The following SLC25A24 variants were observed in gnomAD, a reference collection of about 807,000 sequenced individuals.
SLC25A24 encodes mitochondrial adenyl nucleotide antiporter SLC25A24.
Under a neutral mutation model 60.7 loss-of-function variants are expected in SLC25A24, and 49 were observed. That is an observed-to-expected ratio of 0.81 (90% CI 0.64 to 1.02). The LOEUF (loss-of-function observed/expected upper bound fraction) is 1.02. Ranked by LOEUF, SLC25A24 falls within the 50% of genes least tolerant of loss-of-function variation. The pLI, the probability that SLC25A24 is intolerant of heterozygous loss-of-function variation, is 0.00. For missense variants in SLC25A24, 564 were observed against 586.3 expected (o/e 0.96, Z 0.39); for synonymous variants, 202 against 200.6 (o/e 1.01, Z -0.06).
At position 108,199,945 on chromosome 1, in the gene SLC25A24, C is replaced by G; in HGVS notation, c.183+11G>C. On this transcript the variant is annotated intron_variant, in intron 1 of 9. Transcript: ENST00000565488. ...TCCCTACGCTCAGGCGGCGCCCCGG[C>G]GGCGACCCACCTCCTCGGCGTCCTG... The G allele has an allele frequency of 1.9e-6, 3 of 1,597,230 alleles. No individual in the cohort carries two copies. The highest frequency in any genetic ancestry group is 2.6e-6 in the Non-Finnish European group (3 of 1,172,360).
At chr1:108,162,852 G>C (rs1276368348) in intron 3 of SLC25A24, among the ~76,000 whole-genome samples, 9 of 150,482 alleles carry the variant, frequency 6.0e-5, no homozygotes, top group East Asian at 3.9e-4. Flanking sequence ...TGGTGTTTTA[G>C]ACATGAAGTC....
intron 3 of SLC25A24, among the ~76,000 whole-genome samples, chr1:108,171,311 A>G (rs1647452464): frequency 6.6e-6 from 1 of 152,146 alleles, no homozygotes; most frequent in Admixed American, 6.6e-5. Flanking sequence ...TTTAATACAA[A>G]TCATCCCCTT....
At chr1:108,165,237 C>T (rs950036311) in intron 3 of SLC25A24, among the ~76,000 whole-genome samples, 54 of 152,024 alleles carry the variant, frequency 3.6e-4, no homozygotes, top group African/African-American at 9.9e-4. Flanking sequence ...TTGGAATAGC[C>T]GTGGTGTGGT....
At chr1:108,194,836 G>A (rs1488610554) in intron 1 of SLC25A24, among the ~76,000 whole-genome samples, 2 of 152,154 alleles carry the variant, frequency 1.3e-5, no homozygotes, top group Non-Finnish European at 2.9e-5. Flanking sequence ...TACTGGGTAG[G>A]TCTTACCATT....
chr1:108,167,747 G>A (rs918963244), intron 3 of SLC25A24, among the ~76,000 whole-genome samples: 16 of 152,202 alleles, frequency 1.1e-4, no homozygotes, highest in Non-Finnish European at 1.6e-4. Context: ...GCAATCATGC[G>A]TCTTCTGCGT....
chr1:108,146,341 T>C (rs1376526288), intron 7 of SLC25A24, among the ~76,000 whole-genome samples: 2 of 152,222 alleles, frequency 1.3e-5, no homozygotes, highest in East Asian at 3.8e-4. Flanking sequence ...TTTCTAAATA[T>C]ACAATCATGT....
intron 2 of SLC25A24, among the ~76,000 whole-genome samples, chr1:108,183,602 T>G (rs557844544): frequency 6.6e-6 from 1 of 152,308 alleles, no homozygotes; most frequent in African/African-American, 2.4e-5. Context: ...TCACTAACAT[T>G]GAATTTGGGG....
At chr1:108,182,994 T>C (rs969390677) in intron 2 of SLC25A24, among the ~76,000 whole-genome samples, 2 of 151,974 alleles carry the variant, frequency 1.3e-5, no homozygotes, top group Non-Finnish European at 2.9e-5. Context: ...GAAAATAAAA[T>C]AGAAGCAATA....
chr1:108,161,581 A>T (rs1680086161), intron 3 of SLC25A24, among the ~76,000 whole-genome samples: 2 of 152,136 alleles, frequency 1.3e-5, no homozygotes, highest in Admixed American at 1.3e-4. Context: ...AAACACAAAA[A>T]CTTGAAGATA....
intron 3 of SLC25A24, among the ~76,000 whole-genome samples, chr1:108,175,083 T>C (rs772799647): frequency 4.6e-5 from 7 of 152,170 alleles, no homozygotes; most frequent in Admixed American, 4.6e-4. Context: ...TTATTGTGTT[T>C]TGCAATGTGA....
In SLC25A24 at chr1:108,148,129, C is replaced by T; in HGVS notation, c.930+150G>A. 4 of 625,530 alleles carry T rather than the reference C, an allele frequency of 6.4e-6. No individual in the cohort carries two copies. In the South Asian group the frequency reaches 7.6e-5, roughly 12 times the overall value. The allele number at this position is 625,530 out of a possible 1,614,324, so 38.7% of individuals were successfully genotyped here. On this transcript the variant is annotated intron_variant, in intron 7 of 9. Transcript: ENST00000565488. ...TGAAAAACCCTGAGCCAGAGGCACC[C>T]AGCTAAGCTGCTTCCAGATTCCTGA...
At chr1:108,169,906 A>G (rs1647387135) in intron 3 of SLC25A24, among the ~76,000 whole-genome samples, 1 of 152,158 alleles carries the variant, frequency 6.6e-6, no homozygotes, top group South Asian at 2.1e-4. Flanking sequence ...ATAACTGAAC[A>G]TGATTTATTT....
At chr1:108,189,180 C>T (rs905808412) in intron 1 of SLC25A24, among the ~76,000 whole-genome samples, 3 of 152,026 alleles carry the variant, frequency 2.0e-5, no homozygotes, top group South Asian at 2.1e-4. Context: ...TTTTTTTTAA[C>T]CCATATTTCT....
intron 1 of SLC25A24, 25 bp downstream of exon 1, chr1:108,199,931 A>AGGCGGCGCCCC (rs1558031593): frequency 6.3e-7 from 1 of 1,580,066 alleles, no homozygotes; most frequent in Admixed American, 1.8e-5. Flanking sequence ...CCCTACGCTC[A>AGGCGGCGCCCC]GGCGGCGCCC....
At position 108,143,839 on chromosome 1, in the gene SLC25A24, G is replaced by C. The variant is rs192367982; in HGVS notation, c.931-129C>G. The C allele has an allele frequency of 5.4e-6, 4 of 734,080 alleles. No homozygotes were observed. The East Asian group carries it at 8.1e-5, about 15-fold the overall frequency. The allele number at this position is 734,080 out of a possible 1,614,324, so 45.5% of individuals were successfully genotyped here. On this transcript the variant is annotated intron_variant, in intron 7 of 9. Transcript: ENST00000565488. ...CACTCAAAAGACTGTACAATTTGTT[G>C]ATACATTCTCTTTCATGTATTACCT...
In SLC25A24 at chr1:108,149,282, A is replaced by G. The variant is rs543532651; in HGVS notation, c.823-896T>C. ...TGACCCAACATAGCTAACTGGACCA[A>G]GGGTATAAATATGACCCCAATACAG... On this transcript the variant is annotated intron_variant, in intron 6 of 9. Transcript: ENST00000565488. 2.6e-5 allele frequency among the ~76,000 whole-genome samples: 4 copies of G among 152,326 alleles called. No individual in the cohort carries two copies. The East Asian group carries it at 7.7e-4, about 29-fold the overall frequency.
rs370323632 is a variant in SLC25A24 at position 108,157,447 on chromosome 1, G to A, written c.669+15C>T. 9 of 1,607,962 alleles carry A rather than the reference G, an allele frequency of 5.6e-6. No individual in the cohort carries two copies. Among genetic ancestry groups the A allele is most frequent in the African/African-American group, 1.3e-5 (1 of 74,940 alleles). ...ATATTTAGGGCAAACCTGGACACAC[G>A]ATAATAAAGCTCACCTGCATCATGA... is the stretch of plus-strand genomic sequence containing the variant. On this transcript the variant is annotated intron_variant, in intron 5 of 9. Transcript: ENST00000565488.
chr1:108,171,440 C>T (rs1484364477), intron 3 of SLC25A24, among the ~76,000 whole-genome samples: 4 of 152,078 alleles, frequency 2.6e-5, no homozygotes, highest in African/African-American at 9.7e-5. Flanking sequence ...TGAAATAATC[C>T]ATAGGCCACT....
intron 7 of SLC25A24, among the ~76,000 whole-genome samples, chr1:108,146,923 C>G (rs1021699707): frequency 6.6e-6 from 1 of 152,094 alleles, no homozygotes; most frequent in African/African-American, 2.4e-5. Context: ...AATGATGCTG[C>G]CCTCATAAAA....
Sources: gnomAD v4.1 joint callset for allele counts (sites outside exome capture counted in the v4.1 genomes callset) on GRCh38, gnomAD v4.1.1 for gene constraint, MANE v1.5 for transcripts, NCBI Gene and HGNC (gene_info 2026-07-23, HGNC 2026-07-21) for gene names.